FAT3: variants seen among roughly 807,000 people sequenced by gnomAD.
The protein encoded by FAT3 is FAT atypical cadherin 3, also known as protocadherin Fat 3.
In FAT3, 95 loss-of-function variants were observed where a neutral mutation model predicts 310.2. That is an observed-to-expected ratio of 0.31 (90% CI 0.26 to 0.36). The LOEUF (loss-of-function observed/expected upper bound fraction) is 0.36, where lower values mean the gene tolerates loss of function less well. Among genes scored for constraint, FAT3 ranks in the 10% least tolerant of loss-of-function variants. FAT3 has a pLI of 1.00. For missense variants in FAT3, 5,408 were observed against 5,715.6 expected (o/e 0.95, Z 1.74); for synonymous variants, 2,314 against 2,192.9 (o/e 1.06, Z -1.54).
intron 19 of FAT3, among the ~76,000 whole-genome samples, chr11:92,845,946 T>C (rs1948673501): frequency 6.6e-6 from 1 of 152,296 alleles, no homozygotes; most frequent in East Asian, 1.9e-4. Flanking sequence ...ATCCAGTGAA[T>C]TCTGTTTGTG....
intron 5 of FAT3, among the ~76,000 whole-genome samples, chr11:92,763,461 T>G (rs1244347585): frequency 6.6e-6 from 1 of 152,180 alleles, no homozygotes; most frequent in Admixed American, 6.5e-5. Context: ...AAGTGGATAC[T>G]GTTGGTGTCC....
At chr11:92,780,239 G>A (rs1360161338) in intron 7 of FAT3, among the ~76,000 whole-genome samples, 1 of 150,880 alleles carries the variant, frequency 6.6e-6, no homozygotes, top group African/African-American at 2.4e-5. Context: ...ACGACTCACG[G>A]TAGCCTGGAC....
intron 2 of FAT3, among the ~76,000 whole-genome samples, chr11:92,387,136 G>C (rs1288152276): frequency 6.6e-6 from 1 of 151,310 alleles, no homozygotes; most frequent in Non-Finnish European, 1.5e-5. Flanking sequence ...ACGTCAGAGC[G>C]TCCTTTCCAC....
intron 3 of FAT3, among the ~76,000 whole-genome samples, chr11:92,684,657 A>G (rs3911564): frequency 1.3e-5 from 2 of 152,168 alleles, no homozygotes; most frequent in Admixed American, 6.5e-5. Flanking sequence ...ATATGTAGTT[A>G]TATTTATCCT....
chr11:92,800,641 G>A lies in FAT3; in HGVS notation c.7628G>A (p.Arg2543Gln), dbSNP rs1234031232. The change falls in exon 10 of 28, where the codon CGA (arginine) becomes CAA (glutamine). Residue 2543 changes from arginine to glutamine, a missense_variant. Transcript: ENST00000525166. ...ATCATCAATGACTTTGCCAAGGATC[G>A]ATTCCTCATAGACAGCAATGGGCAG... is the stretch of plus-strand genomic sequence containing the variant. ...YAIINDFAKDRFLIDSNGQVI... is the reference protein window; with the variant it reads ...YAIINDFAKDQFLIDSNGQVI... The A allele has an allele frequency of 1.9e-6, 3 of 1,613,700 alleles. No individual in the cohort carries two copies. Among genetic ancestry groups the A allele is most frequent in the Non-Finnish European group, 1.7e-6 (2 of 1,179,802 alleles).
At chr11:92,773,273 T>C (rs1946504857) in intron 6 of FAT3, among the ~76,000 whole-genome samples, 1 of 152,170 alleles carries the variant, frequency 6.6e-6, no homozygotes, top group South Asian at 2.1e-4. Context: ...GTGAGTTATA[T>C]GTGGCCAGGG....
intron 2 of FAT3, among the ~76,000 whole-genome samples, chr11:92,371,342 G>C (rs935277543): frequency 1.3e-5 from 2 of 152,222 alleles, no homozygotes; most frequent in African/African-American, 4.8e-5. Flanking sequence ...TTTGAATGAG[G>C]TAGGTCAGAA....
In FAT3 at chr11:92,844,136, C is replaced by T. The variant is rs748020729; in HGVS notation, c.10769C>T (p.Ser3590Leu). Residue 3590 changes from serine to leucine, a missense_variant, in exon 19 of 28, where the codon TCG (serine) becomes TTG (leucine). Ser to Leu is a moderately radical substitution (Grantham distance 145). Coordinates refer to ENST00000525166, the MANE Select transcript of FAT3 (RefSeq NM_001367949.2). ...MYDVLTFALKSEQKSLFKVNS... is the reference protein window; with the variant it reads ...MYDVLTFALKLEQKSLFKVNS... ...GATGTGCTCACATTTGCCCTGAAAT[C>T]GGAGCAGAAAAGCTTATTTAAAGTG... 20 of 1,613,830 alleles carry T rather than the reference C, an allele frequency of 1.2e-5. No individual in the cohort carries two copies. The highest frequency in any genetic ancestry group is 4.0e-5 in the African/African-American group (3 of 74,880).
At chr11:92,794,847 C>T (rs1047334428) in intron 9 of FAT3, among the ~76,000 whole-genome samples, 2 of 152,232 alleles carry the variant, frequency 1.3e-5, no homozygotes, top group African/African-American at 4.8e-5. Flanking sequence ...CAGACAAACC[C>T]ACACTGGTCC....
intron 19 of FAT3, among the ~76,000 whole-genome samples, chr11:92,846,619 T>G (rs1456023097): frequency 6.6e-6 from 1 of 152,196 alleles, no homozygotes; most frequent in Non-Finnish European, 1.5e-5. Context: ...TGCTCTTGAT[T>G]TTACATAAGA....
At chr11:92,442,081 T>TA (rs1555047741) in intron 2 of FAT3, among the ~76,000 whole-genome samples, 1 of 69,986 alleles carries the variant, frequency 1.4e-5, no homozygotes, top group African/African-American at 8.2e-5. Flanking sequence ...AATATATATT[T>TA]TATATATATA....
At chr11:92,265,518 C>T (rs938951934) in intron 1 of FAT3, among the ~76,000 whole-genome samples, 3 of 151,936 alleles carry the variant, frequency 2.0e-5, no homozygotes, top group Non-Finnish European at 4.4e-5. Context: ...AAGGGGAACA[C>T]TTCTGGTGTG....
intron 2 of FAT3, among the ~76,000 whole-genome samples, chr11:92,441,757 T>G (rs1951068593): frequency 6.6e-6 from 1 of 152,144 alleles, no homozygotes; most frequent in African/African-American, 2.4e-5. Context: ...TAAGTGGACC[T>G]AGGTAAGAAT....
intron 1 of FAT3, among the ~76,000 whole-genome samples, chr11:92,328,608 TGG>T (rs1947825472): frequency 6.6e-6 from 1 of 152,212 alleles, no homozygotes; most frequent in Non-Finnish European, 1.5e-5. Flanking sequence ...TCCAATGCTC[TGG>T]CTTCTGTAAG....
chr11:92,227,755 T>C (rs76748382), intron 1 of FAT3, among the ~76,000 whole-genome samples: 9 of 148,134 alleles, frequency 6.1e-5, no homozygotes, highest in Admixed American at 4.0e-4. Flanking sequence ...TCTTCTTCTT[T>C]TTTTTTTTTT....
chr11:92,657,199 TG>T (rs1439363592), intron 3 of FAT3, among the ~76,000 whole-genome samples: 1 of 152,156 alleles, frequency 6.6e-6, no homozygotes, highest in African/African-American at 2.4e-5. Context: ...AACCCCAGAA[TG>T]GGATTGGGCT....
At chr11:92,583,097 A>C (rs960912554) in intron 3 of FAT3, among the ~76,000 whole-genome samples, 1 of 151,870 alleles carries the variant, frequency 6.6e-6, no homozygotes, top group African/African-American at 2.4e-5. Flanking sequence ...AAAAAAAAAA[A>C]CTACTCATTT....
rs770941230 is a variant in FAT3 at position 92,798,479 on chromosome 11, G to A, written c.5466G>A (p.Lys1822=). 6.2e-7 allele frequency: 1 copy of A among 1,613,652 alleles called. No homozygotes were observed. The highest frequency in any genetic ancestry group is 1.1e-5 in the South Asian group (1 of 91,048). Residue 1822 remains lysine, a synonymous_variant, in exon 10 of 28, where the codon AAG becomes AAA. Coordinates refer to ENST00000525166, the MANE Select transcript of FAT3 (RefSeq NM_001367949.2). ...AGATTGTGGAGTCAACAGCAAAAAA[G>A]TTTTTCACGGTGGACTCCAGTACAG... is the stretch of plus-strand genomic sequence containing the variant. ...VYQIVESTAK[K]FFTVDSSTGA...
intron 1 of FAT3, among the ~76,000 whole-genome samples, chr11:92,306,766 AATAAATTATATATAT>A (rs1456385816): frequency 1.5e-4 from 20 of 129,790 alleles, no homozygotes; most frequent in African/African-American, 2.6e-4. Context: ...TATATATATA[AATAAATTATATATAT>A]ATAAATTATA....
Sources: allele counts gnomAD v4.1 joint callset (sites outside exome capture counted in the v4.1 genomes callset), GRCh38; gene constraint gnomAD v4.1.1; transcripts MANE v1.5; gene names NCBI Gene and HGNC (gene_info 2026-07-23, HGNC 2026-07-21).